ADGRL4: variants seen among roughly 807,000 people sequenced by gnomAD.
ADGRL4 encodes EGF, latrophilin and seven transmembrane domain containing 1.
In ADGRL4, 90 loss-of-function variants were observed where a neutral mutation model predicts 74.8. The observed-to-expected ratio is 1.20, with a 90% CI of 1.02 to 1.43. ADGRL4 has a LOEUF of 1.43. Ranked by LOEUF, ADGRL4 falls within the 40% of genes most tolerant of loss-of-function variation. The probability of loss-of-function intolerance (pLI) is 0.00; values close to 1 mark genes in which losing one functional copy is unlikely to be tolerated. For missense variants in ADGRL4, 881 were observed against 814.3 expected, an observed-to-expected ratio of 1.08 and a Z score of -1.00; for synonymous variants, 311 against 279.2, an observed-to-expected ratio of 1.11 and a Z score of -1.14.
At position 78,946,308 on chromosome 1, in the gene ADGRL4, G is replaced by A; in HGVS notation, c.291C>T (p.Asp97=). 1.2e-6 allele frequency: 2 copies of A among 1,613,100 alleles called. No homozygotes were observed. The highest frequency in any genetic ancestry group is 1.7e-4 in the Middle Eastern group (1 of 6,052). ...CGGTTCCATCATTAGTGATAAACCT[G>A]TCTTGGTTACTGCTGGATCTGAAGC... ...VPGFRSSSNQ[D]RFITNDGTVC... The change falls in exon 3 of 15, where the codon GAC becomes GAT. Residue 97 remains aspartate, a synonymous_variant. Transcript: ENST00000370742.
chr1:78,948,252 G>A (rs1649650406), intron 2 of ADGRL4, among the ~76,000 whole-genome samples: 1 of 152,082 alleles, frequency 6.6e-6, no homozygotes, highest in Non-Finnish European at 1.5e-5. Context: ...GCTTCTCCTG[G>A]AGACCAACAA....
chr1:78,955,061 T>A (rs1377697516), intron 2 of ADGRL4, among the ~76,000 whole-genome samples: 1 of 152,092 alleles, frequency 6.6e-6, no homozygotes, highest in Non-Finnish European at 1.5e-5. Flanking sequence ...CTTCAGGAAA[T>A]GTGTAGATAT....
At chr1:78,964,187 T>C (rs1650009369) in intron 2 of ADGRL4, among the ~76,000 whole-genome samples, 1 of 152,198 alleles carries the variant, frequency 6.6e-6, no homozygotes, top group African/African-American at 2.4e-5. Flanking sequence ...TCAAAAACTT[T>C]TGTCCAACTT....
intron 3 of ADGRL4, among the ~76,000 whole-genome samples, chr1:78,943,833 T>C (rs1649540166): frequency 6.6e-6 from 1 of 152,168 alleles, no homozygotes; most frequent in Non-Finnish European, 1.5e-5. Context: ...TTCTAGAGAA[T>C]GAATTTTTCA....
Position 78,938,110 on chromosome 1 carries a change from G to C in ADGRL4, c.566C>G (p.Ser189Ter), listed in dbSNP as rs954149064. 1.9e-6 allele frequency: 3 copies of C among 1,612,226 alleles called. No individual in the cohort carries two copies. In the East Asian group the frequency reaches 6.7e-5, roughly 36 times the overall value. The change falls in exon 5 of 15, where the codon TCA becomes TGA. Residue 189 changes from serine (S) to a stop codon, truncating the protein, a stop_gained. Transcript: ENST00000370742. LOFTEE classifies it high-confidence loss of function. ...GCTGAACATACTTACAGTAAGAGTT[G>C]AGTTAGAAAGGGTGTCCTTGGCTGA... ...TISAKDTLSN[S>*]TLTEFVKTVN...
Position 78,891,013 on chromosome 1 carries a change from T to C in ADGRL4, c.*141A>G. ...CTTATTATCTACAGTTCCTATAGCA[T>C]AAACAGAAAAACTGATTTAAAATAC... On this transcript the variant is annotated 3_prime_UTR_variant, in exon 15 of 15. Transcript: ENST00000370742. 2 of 835,906 alleles carry C rather than the reference T, an allele frequency of 2.4e-6. No individual in the cohort carries two copies. The highest frequency in any genetic ancestry group is 2.6e-5 in the East Asian group (1 of 38,590). The allele number at this position is 835,906 out of a possible 1,614,324, so 51.8% of individuals were successfully genotyped here.
intron 2 of ADGRL4, among the ~76,000 whole-genome samples, chr1:79,004,267 T>TTC (rs77039476): frequency 4.8e-4 from 72 of 150,456 alleles, no homozygotes; most frequent in Non-Finnish European, 7.1e-4. Context: ...CCTAGTACTT[T>TTC]TCTCTCTCTC....
At chr1:78,952,689 G>A (rs1208220272) in intron 2 of ADGRL4, among the ~76,000 whole-genome samples, 1 of 152,098 alleles carries the variant, frequency 6.6e-6, no homozygotes, top group African/African-American at 2.4e-5. Context: ...TAAAGGAAAT[G>A]TAAAATTCAT....
chr1:78,952,431 T>C (rs1390026145), intron 2 of ADGRL4, among the ~76,000 whole-genome samples: 1 of 150,680 alleles, frequency 6.6e-6, no homozygotes, highest in Non-Finnish European at 1.5e-5. Flanking sequence ...TATAAGGAAC[T>C]TTAAAAGATC....
At chr1:78,984,609 C>T (rs754563757) in intron 2 of ADGRL4, among the ~76,000 whole-genome samples, 32 of 151,624 alleles carry the variant, frequency 2.1e-4, no homozygotes, top group South Asian at 8.3e-4. Flanking sequence ...AAACAAGTTT[C>T]CCAAGTGTAG....
At chr1:78,952,524 A>T (rs925462437) in intron 2 of ADGRL4, among the ~76,000 whole-genome samples, 2 of 151,914 alleles carry the variant, frequency 1.3e-5, no homozygotes, top group African/African-American at 4.8e-5. Flanking sequence ...ACAGGTAAAG[A>T]GATAAGGAGG....
intron 2 of ADGRL4, among the ~76,000 whole-genome samples, chr1:78,995,347 AC>A (rs1231599510): frequency 6.6e-6 from 1 of 152,132 alleles, no homozygotes; most frequent in Non-Finnish European, 1.5e-5. Flanking sequence ...TATGGAAAAA[AC>A]GCTTCCTTTA....
chr1:78,918,343 C>A (rs1255680827), intron 10 of ADGRL4, among the ~76,000 whole-genome samples: 1 of 151,740 alleles, frequency 6.6e-6, no homozygotes, highest in African/African-American at 2.4e-5. Flanking sequence ...GTGGATTATT[C>A]TCATGTAAAC....
intron 2 of ADGRL4, among the ~76,000 whole-genome samples, chr1:78,949,304 T>TTAA (rs775626387): frequency 5.8e-4 from 88 of 152,268 alleles, no homozygotes; most frequent in Non-Finnish European, 9.9e-4. Context: ...GGGTAATACA[T>TTAA]TAATAGGTAG....
rs558506025 is a variant in ADGRL4, at chr1:78,941,016, A to G, written c.326-1758T>C. ...CAGTTCTTGTTCTTCTGACAAGTAT[A>G]TATATTCAAAATCTGTACTACCCAG... On this transcript the variant is annotated intron_variant, in intron 3 of 14. Coordinates refer to ENST00000370742, the MANE Select transcript of ADGRL4 (RefSeq NM_022159.4). Among the ~76,000 whole-genome samples, 16 of 152,286 alleles carry G rather than the reference A, an allele frequency of 1.1e-4. 1 individual carries two copies. Among genetic ancestry groups the G allele is most frequent in the African/African-American group, 3.4e-4 (14 of 41,572 alleles).
At chr1:78,955,610 A>G (rs1414812855) in intron 2 of ADGRL4, among the ~76,000 whole-genome samples, 1 of 152,058 alleles carries the variant, frequency 6.6e-6, no homozygotes, top group Non-Finnish European at 1.5e-5. Flanking sequence ...TCAGTGTAAA[A>G]TGTGAAGTTG....
chr1:78,916,851 C>T (rs1259287756), intron 12 of ADGRL4, among the ~76,000 whole-genome samples: 1 of 151,868 alleles, frequency 6.6e-6, no homozygotes, highest in African/African-American at 2.4e-5. Flanking sequence ...TCAGCCCTCC[C>T]AGATTCACTG....
intron 2 of ADGRL4, among the ~76,000 whole-genome samples, chr1:78,983,551 T>A (rs1035149501): frequency 6.6e-6 from 1 of 151,596 alleles, no homozygotes; most frequent in African/African-American, 2.4e-5. Context: ...TACTAACACG[T>A]AAGACACATA....
chr1:78,979,599 A>G (rs565133529), intron 2 of ADGRL4, among the ~76,000 whole-genome samples: 1 of 152,066 alleles, frequency 6.6e-6, no homozygotes, highest in South Asian at 2.1e-4. Context: ...ACACGCACAC[A>G]CATGTTTATC....
Sources: gnomAD v4.1 joint callset for allele counts (sites outside exome capture counted in the v4.1 genomes callset) on GRCh38, gnomAD v4.1.1 for gene constraint, MANE v1.5 for transcripts, NCBI Gene and HGNC (gene_info 2026-07-23, HGNC 2026-07-21) for gene names.